The following DCAF6 variants were observed in gnomAD, a reference collection of about 807,000 sequenced individuals.
The protein encoded by DCAF6 is DDB1- and CUL4-associated factor 6.
A neutral mutation model predicts 125.1 loss-of-function variants in DCAF6; 54 were observed. The observed-to-expected ratio is 0.43, with a 90% CI of 0.35 to 0.54. The LOEUF (loss-of-function observed/expected upper bound fraction) is 0.54, where lower values mean the gene tolerates loss of function less well. Ranked by LOEUF, DCAF6 falls within the 20% of genes least tolerant of loss-of-function variation. DCAF6 has a pLI of 0.01. For synonymous variants in DCAF6, 371 were observed against 390.4 expected, an observed-to-expected ratio of 0.95 and a Z score of 0.58; for missense variants, 934 against 1,161.7, an observed-to-expected ratio of 0.80 and a Z score of 2.85.
intron 5 of DCAF6, among the ~76,000 whole-genome samples, chr1:167,988,895 A>G (rs532488106): frequency 9.9e-5 from 15 of 152,248 alleles, no homozygotes; most frequent in Middle Eastern, 3.4e-3. Flanking sequence ...CCTGGTCAAC[A>G]TAGTGAAACC....
chr1:167,948,416 G>A (rs770810300), intron 1 of DCAF6, among the ~76,000 whole-genome samples: 1 of 152,122 alleles, frequency 6.6e-6, no homozygotes, highest in Non-Finnish European at 1.5e-5. Flanking sequence ...GAGAAAATAA[G>A]TTTTGCCCAA....
At chr1:168,070,144 A>C (rs1692842363) in intron 21 of DCAF6, among the ~76,000 whole-genome samples, 1 of 152,160 alleles carries the variant, frequency 6.6e-6, no homozygotes, top group Admixed American at 6.5e-5. Context: ...GGTGTTTTAT[A>C]ATATAAAAAT....
intron 2 of DCAF6, among the ~76,000 whole-genome samples, chr1:167,963,961 T>C (rs575966760): frequency 6.6e-6 from 1 of 152,360 alleles, no homozygotes; most frequent in African/African-American, 2.4e-5. Context: ...ATTTCTGTTA[T>C]TCATTTCACT....
intron 12 of DCAF6, among the ~76,000 whole-genome samples, chr1:168,036,744 G>T (rs1427860839): frequency 6.6e-6 from 1 of 152,134 alleles, no homozygotes; most frequent in Non-Finnish European, 1.5e-5. Context: ...ATGCCATTTG[G>T]TAAAATACCT....
chr1:167,890,258 T>C, the DCAF6 span, among the ~76,000 whole-genome samples: 1 of 152,250 alleles, frequency 6.6e-6, no homozygotes, highest in Admixed American at 6.5e-5. Context: ...GCCATATCTA[T>C]ATTACAGAGC....
intron 21 of DCAF6, among the ~76,000 whole-genome samples, chr1:168,071,111 C>T (rs1272420094): frequency 6.6e-6 from 1 of 152,176 alleles, no homozygotes; most frequent in Non-Finnish European, 1.5e-5. Flanking sequence ...CTTGATCTCC[C>T]TGCTTCTACT....
upstream of DCAF6, chr1:167,935,936 G>A (rs1380576482): frequency 3.2e-6 from 3 of 935,524 alleles, no homozygotes; most frequent in Non-Finnish European, 5.0e-6. Flanking sequence ...TTCCTGCCAC[G>A]ACGACTCGCG....
At chr1:167,880,672 G>A in the DCAF6 span, 2 of 1,292,040 alleles carry the variant, frequency 1.5e-6, no homozygotes, top group African/African-American at 1.5e-5. Flanking sequence ...GGACTGGCCA[G>A]AAGGCTCAAC....
chr1:168,058,887 T>C (rs906210102), intron 17 of DCAF6, among the ~76,000 whole-genome samples: 3 of 152,216 alleles, frequency 2.0e-5, no homozygotes, highest in African/African-American at 7.2e-5. Context: ...GGTTTTCTAC[T>C]GGGTTGTTTT....
intron 4 of DCAF6, among the ~76,000 whole-genome samples, chr1:167,980,757 G>A (rs535153782): frequency 1.3e-5 from 2 of 151,560 alleles, no homozygotes; most frequent in African/African-American, 4.9e-5. Flanking sequence ...TAGATACATG[G>A]TTCACAAATA....
chr1:167,901,645 C>A, the DCAF6 span: 1 of 1,613,516 alleles, frequency 6.2e-7, no homozygotes, highest in Non-Finnish European at 8.5e-7. Context: ...AGGATTTATT[C>A]CTTCTCAAAT....
chr1:167,988,902 A>G (rs903721595), intron 5 of DCAF6, among the ~76,000 whole-genome samples: 1 of 151,936 alleles, frequency 6.6e-6, no homozygotes, highest in African/African-American at 2.4e-5. Flanking sequence ...AACATAGTGA[A>G]ACCCTGTCTC....
the DCAF6 span, among the ~76,000 whole-genome samples, chr1:167,879,564 T>G: frequency 6.6e-6 from 1 of 152,288 alleles, no homozygotes; most frequent in East Asian, 1.9e-4. Flanking sequence ...CCCCACCCTG[T>G]GTACTTTTGA....
chr1:168,003,942 G>A lies in DCAF6; in HGVS notation c.1070G>A (p.Ser357Asn). ...TTATCAAGATGGTTTGAAGAAGCAA[G>A]TGAGGTTGCACAAAGCAATAGAGGA... ...DMLSRWFEEA[S>N]EVAQSNRGRG... Residue 357 changes from serine (S) to asparagine (N), a missense_variant, in exon 9 of 22, where the codon AGT becomes AAT. Physicochemically the swap from Ser to Asn is conservative, Grantham distance 46. Transcript: ENST00000367840. 1 of 1,612,494 alleles carries A rather than the reference G, an allele frequency of 6.2e-7. No homozygotes were observed. The highest frequency in any genetic ancestry group is 8.5e-7 in the Non-Finnish European group (1 of 1,179,272).
chr1:168,025,295 A>T (rs187942915), intron 12 of DCAF6, among the ~76,000 whole-genome samples: 1 of 152,322 alleles, frequency 6.6e-6, no homozygotes, highest in Admixed American at 6.5e-5. Context: ...TTTTTACATC[A>T]GTGCCTGGGT....
At chr1:168,001,796 T>G (rs1682677352) in intron 7 of DCAF6, among the ~76,000 whole-genome samples, 1 of 152,130 alleles carries the variant, frequency 6.6e-6, no homozygotes, top group East Asian at 1.9e-4. Flanking sequence ...ATGGAGAAAT[T>G]AGGCTTAAAT....
Position 167,966,667 on chromosome 1 carries a change from T to G in DCAF6, c.198T>G (p.Ile66Met), listed in dbSNP as rs1213148865. Residue 66 changes from isoleucine (I) to methionine (M), a missense_variant, in exon 3 of 22, where the codon ATT becomes ATG. This residue lies in a region of DCAF6 where 309 missense variants were observed against 381.2 expected (regional missense o/e 0.81). Coordinates refer to ENST00000367840, the MANE Select transcript of DCAF6 (RefSeq NM_001198956.2). Reference protein sequence around the residue: ...TICWNDTGEYILSGSDDTKLV... With the variant: ...TICWNDTGEYMLSGSDDTKLV... ...GTTGGAATGACACTGGAGAATATAT[T>G]TTATCTGGCTCAGATGACACCAAAT... The G allele has an allele frequency of 1.2e-6, 2 of 1,606,242 alleles. No homozygotes were observed. The highest frequency in any genetic ancestry group is 3.3e-5 in the Admixed American group (2 of 59,830).
At chr1:167,865,854 G>A in the DCAF6 span, among the ~76,000 whole-genome samples, 1 of 152,204 alleles carries the variant, frequency 6.6e-6, no homozygotes, top group Non-Finnish European at 1.5e-5. Context: ...TGGTCCTCCA[G>A]TCCACCAGGC....
chr1:167,875,087 T>A, the DCAF6 span: 12 of 1,511,804 alleles, frequency 7.9e-6, no homozygotes, highest in Admixed American at 1.7e-5. Flanking sequence ...GCATGTTTTG[T>A]TTTAGTTCAA....
Sources: allele counts gnomAD v4.1 joint callset (sites outside exome capture counted in the v4.1 genomes callset), GRCh38; gene constraint gnomAD v4.1.1; regional missense constraint gnomAD v4.1.1; transcripts MANE v1.5; gene names NCBI Gene and HGNC (gene_info 2026-07-23, HGNC 2026-07-21).